The following MYH9 variants were observed in gnomAD, a reference collection of about 807,000 sequenced individuals.
The protein encoded by MYH9 is myosin-9.
MYH9 carries 29 observed loss-of-function variants against 241.9 expected under a neutral mutation model. The ratio of observed to expected loss-of-function variants is 0.12; its 90% CI spans 0.09 to 0.16. MYH9 has a LOEUF of 0.16. Ranked by LOEUF, MYH9 falls within the 10% of genes least tolerant of loss-of-function variation. The probability of loss-of-function intolerance (pLI) is 1.00; values close to 1 mark genes in which losing one functional copy is unlikely to be tolerated. For synonymous variants in MYH9, 1,047 were observed against 1,062.6 expected, an observed-to-expected ratio of 0.99 and a Z score of 0.29; for missense variants, 1,803 against 2,595.5, an observed-to-expected ratio of 0.69 and a Z score of 6.63.
At chr22:36,346,337 C>T (rs977923437) in intron 2 of MYH9, among the ~76,000 whole-genome samples, 16 of 152,186 alleles carry the variant, frequency 1.1e-4, no homozygotes, top group African/African-American at 3.4e-4. Flanking sequence ...TCAGGAGTTC[C>T]GGGCAAATAC....
intron 2 of MYH9, among the ~76,000 whole-genome samples, chr22:36,345,140 G>A (rs1037754367): frequency 1.3e-5 from 2 of 151,974 alleles, no homozygotes; most frequent in East Asian, 1.9e-4. Context: ...GTGAAACCCC[G>A]TCTCCACTAA....
chr22:36,374,313 T>C (rs1358048719), intron 1 of MYH9, among the ~76,000 whole-genome samples: 1 of 151,000 alleles, frequency 6.6e-6, no homozygotes, highest in Non-Finnish European at 1.5e-5. Context: ...AGGTCAGGAG[T>C]TTTTGAGACC....
Position 36,322,498 on chromosome 22 carries a change from C to G in MYH9, c.636G>C (p.Leu212=). 2 of 1,613,076 alleles carry G rather than the reference C, an allele frequency of 1.2e-6. No individual in the cohort carries two copies. The highest frequency in any genetic ancestry group is 1.7e-6 in the Non-Finnish European group (2 of 1,179,908). Residue 212 remains leucine (L), a synonymous_variant, in exon 6 of 41, where the codon CTG becomes CTC. Transcript: ENST00000216181. ...AGGCCTCCAGGATGGGGTTGGCCTG[C>G]AGCAGCTGCCGCTCCAGCTCGCCCT... ...KDQGELERQL[L]QANPILEAFG... is the part of the protein sequence containing the mutation.
Position 36,296,540 on chromosome 22 carries a change from CT to C in MYH9, c.3272+302del, listed in dbSNP as rs67917055. Among the ~76,000 whole-genome samples the C allele has an allele frequency of 0.41, 41,520 of 100,918 alleles. 9,281 individuals carry two copies. The highest frequency in any genetic ancestry group is 0.76 in the East Asian group (2,592 of 3,416). The allele number at this position is 100,918 out of a possible 152,430, so 66.2% of individuals were successfully genotyped here. On this transcript the variant is annotated intron_variant, in intron 25 of 40. Coordinates refer to ENST00000216181, the MANE Select transcript of MYH9 (RefSeq NM_002473.6). The stretch of plus-strand genomic sequence containing the variant: ...CGTGAGCCAACGTGCCTGGTCAAGT[CT>C]TTTTTTTTTTTTTTTTTTTTTTTAA...
Position 36,306,025 on chromosome 22 carries a change from C to A in MYH9, c.2064G>T (p.Val688=). Residue 688 remains valine, a synonymous_variant, in exon 17 of 41, where the codon GTG becomes GTT. Transcript: ENST00000216181. The surrounding 1 kb of genome is among the most constrained non-coding windows in gnomAD (Gnocchi z 4.1). ...KKAGKLDPHL[V]LDQLRCNGVL... The stretch of plus-strand genomic sequence containing the variant: ...CACCGTTGCAGCGCAGCTGGTCCAG[C>A]ACGAGATGCGGGTCCAGCTTGCCGG... The A allele has an allele frequency of 6.2e-7, 1 of 1,613,318 alleles. No homozygotes were observed.
intron 3 of MYH9, among the ~76,000 whole-genome samples, chr22:36,338,480 C>G (rs1457817837): frequency 1.3e-5 from 2 of 152,158 alleles, no homozygotes; most frequent in Non-Finnish European, 2.9e-5. Context: ...ATACAAGTTT[C>G]CCGTGCTCAC....
chr22:36,312,579 T>C (rs3830104), intron 13 of MYH9, among the ~76,000 whole-genome samples: 10,093 of 152,284 alleles, frequency 0.066, 432 homozygotes, highest in East Asian at 0.15. Flanking sequence ...CCTGTGATCC[T>C]GCCACGGGAG....
chr22:36,361,573 T>TA (rs201914962), intron 1 of MYH9, among the ~76,000 whole-genome samples: 27 of 150,198 alleles, frequency 1.8e-4, no homozygotes, highest in Non-Finnish European at 2.2e-4. Flanking sequence ...CAATTTCTTT[T>TA]AAAAAAAAAA....
chr22:36,375,509 TGG>T (rs2018152500), intron 1 of MYH9, among the ~76,000 whole-genome samples: 1 of 152,206 alleles, frequency 6.6e-6, no homozygotes, highest in Non-Finnish European at 1.5e-5. Flanking sequence ...GCTCAGCCAC[TGG>T]TGAGGGTGGA....
chr22:36,324,450 G>C (rs1053242127), intron 5 of MYH9, among the ~76,000 whole-genome samples: 1 of 152,272 alleles, frequency 6.6e-6, no homozygotes. Context: ...AGCAGGGAGA[G>C]TCAAAGGTCA....
In MYH9 at chr22:36,306,772, C is replaced by A. The variant is rs1398615012; in HGVS notation, c.1844-165G>T. Reference sequence around the variant, plus strand: ...AGCCTACACTGGGTGCTAAGGTCATCCCCAAACACAGCGGGAAGCCAAGGG... The same window carrying A: ...AGCCTACACTGGGTGCTAAGGTCATACCCAAACACAGCGGGAAGCCAAGGG... On this transcript the variant is annotated intron_variant, in intron 15 of 40. Transcript: ENST00000216181. The surrounding 1 kb of genome is among the most constrained non-coding windows in gnomAD (Gnocchi z 4.1). Among the ~76,000 whole-genome samples, 1 of 152,202 alleles carries A rather than the reference C, an allele frequency of 6.6e-6. No homozygotes were observed.
Position 36,294,781 on chromosome 22 carries a change from C to T in MYH9, c.3630+151G>A, listed in dbSNP as rs544478168. 5.3e-5 allele frequency: 52 copies of T among 975,274 alleles called. No individual in the cohort carries two copies. The South Asian group carries it at 5.6e-4, about 10-fold the overall frequency. The allele number at this position is 975,274 out of a possible 1,614,324, so 60.4% of individuals were successfully genotyped here. A position where few individuals can be genotyped will look rare whatever the true frequency, so the allele number is the denominator to read the frequency against. The stretch of plus-strand genomic sequence containing the variant: ...CCTTATGAACAGGGAAACTGAGGCA[C>T]GAGTCACAAAGCCCCTTAGAAGGGG... On this transcript the variant is annotated intron_variant, in intron 27 of 40. Transcript: ENST00000216181.
intron 24 of MYH9, 135 bp from the exon 25 acceptor site, chr22:36,297,149 G>C: frequency 1.0e-6 from 1 of 978,486 alleles, no homozygotes; most frequent in East Asian, 2.6e-5. Context: ...ACAGACACTC[G>C]CACCCAACTC....
chr22:36,360,519 C>A (rs983714641), intron 1 of MYH9, among the ~76,000 whole-genome samples: 1 of 151,998 alleles, frequency 6.6e-6, no homozygotes, highest in African/African-American at 2.4e-5. Flanking sequence ...CGAGACCATC[C>A]TGGCTAACAC....
At chr22:36,381,724 G>A (rs1021391833) in intron 1 of MYH9, among the ~76,000 whole-genome samples, 1 of 152,076 alleles carries the variant, frequency 6.6e-6, no homozygotes, top group East Asian at 1.9e-4. Flanking sequence ...AACATAGCTT[G>A]GAGAGCACAC....
In MYH9 at chr22:36,353,150, G is replaced by C. The variant is rs559163165; in HGVS notation, c.-19-3895C>G. On this transcript the variant is annotated intron_variant, in intron 1 of 40. Transcript: ENST00000216181. ...GTGTGTGTATAAGTGTGTTCAGTCA[G>C]GTTAATACTCAGACCTCTCCAGGAT... 3.3e-5 allele frequency among the ~76,000 whole-genome samples: 5 copies of C among 151,928 alleles called. No individual in the cohort carries two copies. The East Asian group carries it at 9.7e-4, about 29-fold the overall frequency.
At chr22:36,297,127 C>A in intron 24 of MYH9, 113 bp from the exon 25 acceptor site, 1 of 1,246,250 alleles carries the variant, frequency 8.0e-7, no homozygotes, top group Non-Finnish European at 1.1e-6. Context: ...AGGCTTAAAG[C>A]ATCACAAACA....
chr22:36,296,088 T>G (rs952081634), intron 25 of MYH9, among the ~76,000 whole-genome samples: 1 of 152,146 alleles, frequency 6.6e-6, no homozygotes, highest in African/African-American at 2.4e-5. Flanking sequence ...TTATGACAGG[T>G]CAACGTAGGT....
intron 1 of MYH9, among the ~76,000 whole-genome samples, chr22:36,355,705 G>A (rs974808048): frequency 9.2e-5 from 14 of 152,128 alleles, no homozygotes; most frequent in African/African-American, 3.1e-4. Context: ...TTTACAGGTG[G>A]GGGAAATGGG....
Sources: gnomAD v4.1 joint callset for allele counts (sites outside exome capture counted in the v4.1 genomes callset) on GRCh38, gnomAD v4.1.1 for gene constraint, Gnocchi (gnomAD v3.1) non-coding constraint, MANE v1.5 for transcripts, NCBI Gene and HGNC (gene_info 2026-07-23, HGNC 2026-07-21) for gene names.